RAF1: variants seen among roughly 807,000 people sequenced by gnomAD.
The protein encoded by RAF1 is Raf-1 proto-oncogene, serine/threonine kinase, also known as RAF proto-oncogene serine/threonine-protein kinase.
Under a neutral mutation model 81.1 loss-of-function variants are expected in RAF1, and 27 were observed. The ratio of observed to expected loss-of-function variants is 0.33; its 90% CI spans 0.25 to 0.46. The LOEUF (loss-of-function observed/expected upper bound fraction) is 0.46, where lower values mean the gene tolerates loss of function less well. Ranked by LOEUF, RAF1 falls within the 20% of genes least tolerant of loss-of-function variation. The pLI, the probability that RAF1 is intolerant of heterozygous loss-of-function variation, is 1.00. For missense variants in RAF1, 598 were observed against 826.0 expected (o/e 0.72, Z 3.38); for synonymous variants, 298 against 294.0 (o/e 1.01, Z -0.14).
At chr3:12,639,431 T>G (rs534651191) in intron 1 of RAF1, among the ~76,000 whole-genome samples, 2 of 152,264 alleles carry the variant, frequency 1.3e-5, no homozygotes, top group African/African-American at 2.4e-5. Flanking sequence ...GAAGTCAAAT[T>G]GTCCCTGTTT....
Position 12,613,987 on chromosome 3 carries a change from G to A in RAF1, c.208-1925C>T, listed in dbSNP as rs190088236. ...GGGAGAAGGAAAAGATTCTCCAAAC[G>A]AAAAAAGTTCCTTTGGAGTTTGTGA... On this transcript the variant is annotated intron_variant, in intron 2 of 17. Coordinates refer to ENST00000442415, the MANE Select transcript of RAF1 (RefSeq NM_001354689.3). Among the ~76,000 whole-genome samples the A allele has an allele frequency of 1.5e-3, 231 of 152,170 alleles. 1 individual carries two copies. Among genetic ancestry groups the A allele is most frequent in the Non-Finnish European group, 2.0e-3 (138 of 67,982 alleles).
At chr3:12,653,102 T>C (rs905896941) in intron 1 of RAF1, among the ~76,000 whole-genome samples, 15 of 151,840 alleles carry the variant, frequency 9.9e-5, no homozygotes, top group African/African-American at 3.4e-4. Context: ...GGCAACAGGG[T>C]GAAACCCCAT....
At position 12,614,347 on chromosome 3, in the gene RAF1, A is replaced by G. The variant is rs148962445; in HGVS notation, c.208-2285T>C. Among the ~76,000 whole-genome samples, 350 of 152,306 alleles carry G rather than the reference A, an allele frequency of 2.3e-3. 2 individuals are homozygous for G. Among genetic ancestry groups the G allele is most frequent in the African/African-American group, 7.6e-3 (315 of 41,574 alleles). On this transcript the variant is annotated intron_variant, in intron 2 of 17. Transcript: ENST00000442415. ...TGAAAACAGATTAAGCAGGCCTGCC[A>G]TGGTTAGCTAAGTGTTGAAAGTGGG... is the stretch of plus-strand genomic sequence containing the variant.
intron 1 of RAF1, among the ~76,000 whole-genome samples, chr3:12,641,490 G>GGTTT (rs1168381842): frequency 7.4e-6 from 1 of 134,614 alleles, no homozygotes. Flanking sequence ...ATGTTTTTTG[G>GGTTT]TTTTTTTTTT....
At chr3:12,608,169 C>G (rs749899330) in intron 5 of RAF1, among the ~76,000 whole-genome samples, 3 of 152,054 alleles carry the variant, frequency 2.0e-5, no homozygotes, top group African/African-American at 4.8e-5. Flanking sequence ...TACCTAGTTA[C>G]AGTTTTTAAA....
intron 11 of RAF1, among the ~76,000 whole-genome samples, chr3:12,595,762 C>T (rs905860125): frequency 6.6e-6 from 1 of 152,136 alleles, no homozygotes; most frequent in Non-Finnish European, 1.5e-5. Context: ...AAACATTGAA[C>T]TGGGACTGCC....
chr3:12,611,888 G>A, intron 3 of RAF1, 62 bp downstream of exon 3: 1 of 1,117,984 alleles, frequency 8.9e-7, no homozygotes, highest in Admixed American at 1.7e-5. Context: ...TACAAACATA[G>A]CTATTTGAAG....
At chr3:12,614,405 C>A (rs530223977) in intron 2 of RAF1, among the ~76,000 whole-genome samples, 1 of 119,054 alleles carries the variant, frequency 8.4e-6, no homozygotes, top group Admixed American at 9.6e-5. Flanking sequence ...ATTTTCTCTA[C>A]GTGCGTGCGT....
chr3:12,617,753 C>T (rs1487689697), intron 2 of RAF1, among the ~76,000 whole-genome samples: 3 of 151,614 alleles, frequency 2.0e-5, no homozygotes, highest in East Asian at 1.9e-4. Flanking sequence ...ATCAGCCAGG[C>T]GTGGCGGTGT....
chr3:12,601,173 C>T (rs765456124), intron 8 of RAF1, among the ~76,000 whole-genome samples: 1 of 152,132 alleles, frequency 6.6e-6, no homozygotes, highest in Non-Finnish European at 1.5e-5. Flanking sequence ...GCTGGAAAGA[C>T]CACAAATCCA....
chr3:12,626,283 A>C (rs1363273063), intron 1 of RAF1, among the ~76,000 whole-genome samples: 1 of 151,764 alleles, frequency 6.6e-6, no homozygotes, highest in Non-Finnish European at 1.5e-5. Flanking sequence ...ATTAAAAAAA[A>C]AATTTTTTTT....
At chr3:12,650,272 C>T (rs556818877) in intron 1 of RAF1, among the ~76,000 whole-genome samples, 1 of 151,676 alleles carries the variant, frequency 6.6e-6, no homozygotes, top group East Asian at 1.9e-4. Flanking sequence ...TGGAGTGAGC[C>T]GTGACTGCAT....
At chr3:12,587,854 T>TTTTTTTTTTTTGG (rs1553610554) in intron 13 of RAF1, 2 of 432,522 alleles carry the variant, frequency 4.6e-6, no homozygotes, top group African/African-American at 2.2e-5. Flanking sequence ...TTTTTTTTTT[T>TTTTTTTTTTTTGG]GGAGACTGGA....
chr3:12,633,754 T>C (rs1266603020), intron 1 of RAF1, among the ~76,000 whole-genome samples: 1 of 151,134 alleles, frequency 6.6e-6, no homozygotes, highest in Non-Finnish European at 1.5e-5. Context: ...GCCAACATGG[T>C]GAAACCCTGT....
intron 1 of RAF1, among the ~76,000 whole-genome samples, chr3:12,632,776 T>A (rs917193396): frequency 3.3e-5 from 5 of 152,190 alleles, no homozygotes; most frequent in African/African-American, 1.2e-4. Context: ...TTCACACTCA[T>A]GTGTGAGATG....
chr3:12,608,865 T>A lies in RAF1; in HGVS notation c.482A>T (p.Asn161Ile), dbSNP rs775781057. ...GCCACAAGTCTGACATCGAAATCCA[T>A]TGAGCAGGAATTTCTGACAGATGTC... The change falls in exon 5 of 18, where the codon AAT (asparagine) becomes ATT (isoleucine). Residue 161 changes from asparagine to isoleucine, a missense_variant. By Grantham distance (149) the Asn-to-Ile change is moderately radical. Transcript: ENST00000442415. The A allele has an allele frequency of 6.2e-7, 1 of 1,614,008 alleles. No individual in the cohort carries two copies. Among genetic ancestry groups the A allele is most frequent in the Non-Finnish European group, 8.5e-7 (1 of 1,180,026 alleles).
chr3:12,662,838 A>T (rs2060921915), intron 1 of RAF1, among the ~76,000 whole-genome samples: 1 of 152,108 alleles, frequency 6.6e-6, no homozygotes, highest in Non-Finnish European at 1.5e-5. Flanking sequence ...GCCAATTCTT[A>T]TCACACTGCA....
intron 1 of RAF1, among the ~76,000 whole-genome samples, chr3:12,659,585 T>C (rs2060813572): frequency 9.0e-6 from 1 of 110,996 alleles, no homozygotes; most frequent in Admixed American, 9.6e-5. Flanking sequence ...AACCTCATCC[T>C]AAATAAACCC....
chr3:12,623,091 T>A (rs2059597948), intron 1 of RAF1, among the ~76,000 whole-genome samples: 1 of 152,212 alleles, frequency 6.6e-6, no homozygotes, highest in Non-Finnish European at 1.5e-5. Context: ...AGATATATAT[T>A]TTCAATTGAG....
Sources: allele counts gnomAD v4.1 joint callset (sites outside exome capture counted in the v4.1 genomes callset), GRCh38; gene constraint gnomAD v4.1.1; transcripts MANE v1.5; gene names NCBI Gene and HGNC (gene_info 2026-07-23, HGNC 2026-07-21).